Variants in ADARB2 observed in about 807,000 individuals in gnomAD.
ADARB2 encodes the protein inactive double-stranded RNA-specific editase B2.
ADARB2 carries 25 observed loss-of-function variants against 62.2 expected under a neutral mutation model. That is an observed-to-expected ratio of 0.40 (90% CI 0.29 to 0.56). ADARB2 has a LOEUF of 0.56. Ranked by LOEUF, ADARB2 falls within the 20% of genes least tolerant of loss-of-function variation. ADARB2 has a pLI of 0.43. For missense variants in ADARB2, 1,071 were observed against 1,077.4 expected (o/e 0.99, Z 0.08); for synonymous variants, 572 against 500.8 (o/e 1.14, Z -1.90).
intron 2 of ADARB2, among the ~76,000 whole-genome samples, chr10:1,370,713 A>G (rs1288084256): frequency 1.3e-5 from 2 of 152,224 alleles, no homozygotes; most frequent in African/African-American, 4.8e-5. Context: ...ATAGCCACAC[A>G]CACAAAATAA....
At chr10:1,204,291 C>T (rs1837022435) in intron 7 of ADARB2, among the ~76,000 whole-genome samples, 1 of 152,220 alleles carries the variant, frequency 6.6e-6, no homozygotes, top group Non-Finnish European at 1.5e-5. Flanking sequence ...CAATAACACA[C>T]CTGCTAGGAA....
rs147877405 is a variant in ADARB2 at position 1,268,569 on chromosome 10, A to G, written c.1192+2386T>C. ...ATATACAGCAACTAGAACAAGACAT[A>G]TTACTCTGAGAATTTCTTAGGTATT... On this transcript the variant is annotated intron_variant, in intron 4 of 9. Coordinates refer to ENST00000381312, the MANE Select transcript of ADARB2 (RefSeq NM_018702.4). 3.3e-4 allele frequency among the ~76,000 whole-genome samples: 50 copies of G among 152,336 alleles called. 1 individual carries two copies. In the East Asian group the frequency reaches 6.4e-3, roughly 19 times the overall value.
chr10:1,614,739 G>A (rs982438790), intron 1 of ADARB2, among the ~76,000 whole-genome samples: 5 of 152,256 alleles, frequency 3.3e-5, no homozygotes, highest in African/African-American at 7.2e-5. Context: ...GTGAAACCCC[G>A]TCTCTACTAA....
At chr10:1,387,314 G>C (rs925957951) in intron 1 of ADARB2, among the ~76,000 whole-genome samples, 27 of 151,428 alleles carry the variant, frequency 1.8e-4, no homozygotes, top group African/African-American at 6.3e-4. Flanking sequence ...AAACCCTAAT[G>C]AAGCAAAAAA....
At position 1,243,288 on chromosome 10, in the gene ADARB2, G is replaced by A. The variant is rs1049397147; in HGVS notation, c.1193-989C>T. The stretch of plus-strand genomic sequence containing the variant: ...AGGGCAGCACGGAGACGCGTTAGCC[G>A]CTGACCGCGGCCACGTCCACAGAGT... On this transcript the variant is annotated intron_variant, in intron 4 of 9. Transcript: ENST00000381312. Among the ~76,000 whole-genome samples, 9 of 152,252 alleles carry A rather than the reference G, an allele frequency of 5.9e-5. No individual in the cohort carries two copies. In the East Asian group the frequency reaches 1.2e-3, roughly 20 times the overall value.
chr10:1,583,660 C>T (rs563662661), intron 1 of ADARB2, among the ~76,000 whole-genome samples: 37 of 152,332 alleles, frequency 2.4e-4, no homozygotes, highest in Non-Finnish European at 4.9e-4. Flanking sequence ...ACTTCTTCCT[C>T]ACTTGATTTG....
At chr10:1,729,882 G>A (rs1023793715) in intron 1 of ADARB2, among the ~76,000 whole-genome samples, 15 of 152,174 alleles carry the variant, frequency 9.9e-5, no homozygotes, top group African/African-American at 3.4e-4. Context: ...TCAGACATTA[G>A]GGAAATGATG....
chr10:1,436,317 T>A (rs1830835616), intron 1 of ADARB2, among the ~76,000 whole-genome samples: 1 of 152,250 alleles, frequency 6.6e-6, no homozygotes, highest in Non-Finnish European at 1.5e-5. Flanking sequence ...TTAAAAATTC[T>A]TTTTGTAATT....
rs552673364 is a variant in ADARB2, at chr10:1,444,912, G to A, written c.101-65752C>T. ...CCACCCATCCATCCACTGACCATCCGTCTACATTCTCCTTCCATCTATCAA... is the reference window on the plus strand; with the variant it reads ...CCACCCATCCATCCACTGACCATCCATCTACATTCTCCTTCCATCTATCAA... On this transcript the variant is annotated intron_variant, in intron 1 of 9. Transcript: ENST00000381312. Among the ~76,000 whole-genome samples, 15 of 110,554 alleles carry A rather than the reference G, an allele frequency of 1.4e-4. No homozygotes were observed. The South Asian group carries it at 2.6e-3, about 19-fold the overall frequency. The allele number at this position is 110,554 out of a possible 152,430, so 72.5% of individuals were successfully genotyped here.
At chr10:1,626,242 G>A (rs1490741763) in intron 1 of ADARB2, among the ~76,000 whole-genome samples, 4 of 132,910 alleles carry the variant, frequency 3.0e-5, no homozygotes, top group Admixed American at 1.5e-4. Flanking sequence ...GACCTCAGAC[G>A]CTAACCCCAC....
rs1834866078 is a variant in ADARB2 at position 1,704,703 on chromosome 10, T to A, written c.100+32348A>T. Among the ~76,000 whole-genome samples, 1 of 152,216 alleles carries A rather than the reference T, an allele frequency of 6.6e-6. No homozygotes were observed. The highest frequency in any genetic ancestry group is 1.5e-5 in the Non-Finnish European group (1 of 68,040). ...GTACATATAAAGTGGTTTGGAATCA[T>A]GTGGGATTATTGATATTATTACAAA... On this transcript the variant is annotated intron_variant, in intron 1 of 9. Transcript: ENST00000381312. The surrounding 1 kb of genome is among the most constrained non-coding windows in gnomAD (Gnocchi z 5.6).
chr10:1,642,882 G>A lies in ADARB2; in HGVS notation c.100+94169C>T, dbSNP rs58604712. On this transcript the variant is annotated intron_variant, in intron 1 of 9. Coordinates refer to ENST00000381312, the MANE Select transcript of ADARB2 (RefSeq NM_018702.4). The stretch of plus-strand genomic sequence containing the variant: ...CAGGCAGGTATGTTCTGGGTGAAGC[G>A]GGAGAGGCAGACGGCCTGCACACTG... Among the ~76,000 whole-genome samples, 1,295 of 152,314 alleles carry A rather than the reference G, an allele frequency of 8.5e-3. 14 individuals carry two copies. Among genetic ancestry groups the A allele is most frequent in the East Asian group, 0.045 (234 of 5,180 alleles).
chr10:1,356,792 C>G (rs369839716), intron 3 of ADARB2, among the ~76,000 whole-genome samples: 2 of 152,316 alleles, frequency 1.3e-5, no homozygotes, highest in South Asian at 2.1e-4. Flanking sequence ...TTCTAAGACA[C>G]GAGAACTAAC....
At chr10:1,601,828 G>GAGAAAAGT (rs1384656702) in intron 1 of ADARB2, among the ~76,000 whole-genome samples, 1 of 152,186 alleles carries the variant, frequency 6.6e-6, no homozygotes, top group African/African-American at 2.4e-5. Flanking sequence ...GGGTCACAGT[G>GAGAAAAGT]AGAAAAGTTC....
intron 2 of ADARB2, among the ~76,000 whole-genome samples, chr10:1,367,169 C>T (rs1832320768): frequency 6.6e-6 from 1 of 152,196 alleles, no homozygotes; most frequent in South Asian, 2.1e-4. Flanking sequence ...GGAGAATGTT[C>T]TTCTCACGTT....
Position 1,597,471 on chromosome 10 carries a change from AT to A in ADARB2, c.100+139579del. ...AAGTGGGCACAGGACATGAGCAGAC[AT>A]TTTCAAAAAGAGACATATGAGGGGC... is the stretch of plus-strand genomic sequence containing the variant. On this transcript the variant is annotated intron_variant, in intron 1 of 9. Transcript: ENST00000381312. Among the ~76,000 whole-genome samples, 3 of 152,358 alleles carry A rather than the reference AT, an allele frequency of 2.0e-5. No homozygotes were observed. The South Asian group carries it at 6.2e-4, about 32-fold the overall frequency.
intron 3 of ADARB2, among the ~76,000 whole-genome samples, chr10:1,337,858 A>C (rs1831988753): frequency 6.6e-6 from 1 of 152,224 alleles, no homozygotes; most frequent in Non-Finnish European, 1.5e-5. Flanking sequence ...TAATTCACAA[A>C]GAGGAGAAGT....
intron 1 of ADARB2, among the ~76,000 whole-genome samples, chr10:1,478,782 AC>A (rs1831433195): frequency 6.6e-6 from 1 of 151,052 alleles, no homozygotes; most frequent in Admixed American, 6.6e-5. Flanking sequence ...CAAAATAAGG[AC>A]CCTTGGACGG....
intron 1 of ADARB2, among the ~76,000 whole-genome samples, chr10:1,458,085 A>G (rs1466210647): frequency 2.6e-5 from 4 of 151,996 alleles, no homozygotes; most frequent in Admixed American, 2.6e-4. Flanking sequence ...CACTCATGTG[A>G]CTTTTGGTTC....
Sources: gnomAD v4.1 joint callset for allele counts (sites outside exome capture counted in the v4.1 genomes callset) on GRCh38, gnomAD v4.1.1 for gene constraint, Gnocchi (gnomAD v3.1) non-coding constraint, MANE v1.5 for transcripts, NCBI Gene and HGNC (gene_info 2026-07-23, HGNC 2026-07-21) for gene names.